ESRP1: variants seen among roughly 807,000 people sequenced by gnomAD.
The protein encoded by ESRP1 is epithelial splicing regulatory protein 1.
A neutral mutation model predicts 81.7 loss-of-function variants in ESRP1; 33 were observed. The observed-to-expected ratio is 0.40, with a 90% CI of 0.31 to 0.54. The LOEUF (loss-of-function observed/expected upper bound fraction) is 0.54, where lower values mean the gene tolerates loss of function less well. Ranked by LOEUF, ESRP1 falls within the 20% of genes least tolerant of loss-of-function variation. The pLI is 0.41. For missense variants in ESRP1, 672 were observed against 833.1 expected (o/e 0.81, Z 2.38); for synonymous variants, 320 against 303.3 (o/e 1.06, Z -0.57).
At chr8:94,691,670 T>C (rs185767216) in intron 13 of ESRP1, among the ~76,000 whole-genome samples, 154 of 152,294 alleles carry the variant, frequency 1.0e-3, no homozygotes, top group Non-Finnish European at 1.7e-3. Context: ...TTATGTATGA[T>C]AGATAATCTC....
intron 13 of ESRP1, among the ~76,000 whole-genome samples, chr8:94,683,202 C>T (rs1219392523): frequency 1.3e-5 from 2 of 151,734 alleles, no homozygotes; most frequent in African/African-American, 4.8e-5. Context: ...CCTCGGCCTC[C>T]CAAAGTGCTG....
chr8:94,692,647 A>G (rs2130716225), intron 13 of ESRP1, 30 bp from the exon 14 acceptor site: 3 of 1,607,146 alleles, frequency 1.9e-6, no homozygotes, highest in Non-Finnish European at 1.7e-6. Flanking sequence ...GTCTATTCCT[A>G]TTGGTTCACT....
At chr8:94,650,760 TG>T (rs1818082305) in intron 4 of ESRP1, among the ~76,000 whole-genome samples, 1 of 151,854 alleles carries the variant, frequency 6.6e-6, no homozygotes, top group Admixed American at 6.6e-5. Flanking sequence ...TTGCCCAGGC[TG>T]GAGTGCAGGG....
At chr8:94,699,099 A>G (rs1273765620) in intron 15 of ESRP1, among the ~76,000 whole-genome samples, 1 of 152,224 alleles carries the variant, frequency 6.6e-6, no homozygotes, top group Non-Finnish European at 1.5e-5. Flanking sequence ...TGATTAACAC[A>G]TAGTCTATAT....
chr8:94,670,237 C>T (rs1006511992), intron 10 of ESRP1, among the ~76,000 whole-genome samples: 2 of 152,128 alleles, frequency 1.3e-5, no homozygotes, highest in African/African-American at 4.8e-5. Flanking sequence ...CATTACTAGT[C>T]ATTTTATTCA....
At chr8:94,689,080 G>T (rs1030063908) in intron 13 of ESRP1, among the ~76,000 whole-genome samples, 4 of 151,942 alleles carry the variant, frequency 2.6e-5, no homozygotes, top group African/African-American at 9.7e-5. Context: ...GTGAAATCCT[G>T]TCTCTACTAA....
chr8:94,682,322 C>T (rs1312931743), intron 13 of ESRP1, among the ~76,000 whole-genome samples: 1 of 152,170 alleles, frequency 6.6e-6, no homozygotes, highest in Admixed American at 6.5e-5. Flanking sequence ...TTCTATGCAT[C>T]TCTTGCTTTT....
chr8:94,664,553 A>G, intron 6 of ESRP1, 144 bp from the exon 7 acceptor site: 1 of 637,026 alleles, frequency 1.6e-6, no homozygotes, highest in Non-Finnish European at 2.8e-6. Flanking sequence ...TTTTGAGGTT[A>G]TAAGGAAAAT....
At chr8:94,663,748 T>C (rs1164531543) in intron 6 of ESRP1, among the ~76,000 whole-genome samples, 2 of 152,116 alleles carry the variant, frequency 1.3e-5, no homozygotes, top group Non-Finnish European at 2.9e-5. Flanking sequence ...AAGTGACTTA[T>C]TAAGAAAATG....
Position 94,697,079 on chromosome 8 carries a change from C to A in ESRP1, c.*35+118C>A, listed in dbSNP as rs146813059. On this transcript the variant is annotated intron_variant, in intron 15 of 15. Transcript: ENST00000433389. ...TTTTCTTTAGTGTAATGTAAAATAT[C>A]AGATATCCTGGAAGGAATGGAGACT... 387 of 677,810 alleles carry A rather than the reference C, an allele frequency of 5.7e-4. No homozygotes were observed. In the African/African-American group the frequency reaches 6.4e-3, roughly 11 times the overall value. 42.0% of individuals were successfully genotyped at this position (677,810 alleles called of 1,614,324 possible).
At position 94,641,411 on chromosome 8, in the gene ESRP1, C is replaced by A. The variant is rs780106891; in HGVS notation, c.93C>A (p.Ile31=). 2.5e-6 allele frequency: 4 copies of A among 1,613,818 alleles called. No homozygotes were observed. In the East Asian group the frequency reaches 8.9e-5, roughly 36 times the overall value. The part of the protein sequence containing the change: ...AKLGSDEKEL[I]LLFWKVVDLA... ...TAGGCTCGGATGAGAAGGAGTTGAT[C>A]CTGCTGTTCTGGAAAGTCGTGGATC... is the stretch of plus-strand genomic sequence containing the variant. Residue 31 remains isoleucine (I), a synonymous_variant, in exon 1 of 16, where the codon ATC becomes ATA. Coordinates refer to ENST00000433389, the MANE Select transcript of ESRP1 (RefSeq NM_017697.4).
intron 9 of ESRP1, 47 bp from the exon 10 acceptor site, chr8:94,667,902 T>C (rs763076189): frequency 1.4e-6 from 2 of 1,469,022 alleles, no homozygotes; most frequent in Non-Finnish European, 1.8e-6. Flanking sequence ...GTAAAGTTGA[T>C]GTCTTAACTA....
At chr8:94,641,601 A>C in intron 1 of ESRP1, 151 bp downstream of exon 1, 1 of 1,128,136 alleles carries the variant, frequency 8.9e-7, no homozygotes, top group Admixed American at 2.3e-5. Context: ...AGCTAGAGTA[A>C]AACCAAACTT....
intron 13 of ESRP1, among the ~76,000 whole-genome samples, chr8:94,686,869 G>A (rs1011307445): frequency 1.3e-5 from 2 of 152,074 alleles, no homozygotes; most frequent in Non-Finnish European, 2.9e-5. Context: ...TATTTGGCGT[G>A]CAATTAGAAA....
intron 9 of ESRP1, among the ~76,000 whole-genome samples, chr8:94,665,940 A>G (rs986294928): frequency 1.3e-5 from 2 of 152,144 alleles, no homozygotes; most frequent in African/African-American, 4.8e-5. Flanking sequence ...GTCTCGTAGT[A>G]TTTTTGGATG....
chr8:94,679,861 CT>C (rs1424077619), intron 13 of ESRP1, among the ~76,000 whole-genome samples: 2 of 151,890 alleles, frequency 1.3e-5, no homozygotes, highest in Non-Finnish European at 2.9e-5. Flanking sequence ...TTCCTTCTTT[CT>C]TTTTTTTAAA....
At chr8:94,683,187 G>A (rs189732547) in intron 13 of ESRP1, among the ~76,000 whole-genome samples, 10 of 151,038 alleles carry the variant, frequency 6.6e-5, no homozygotes, top group Middle Eastern at 3.4e-3. Flanking sequence ...CAAGTGATCC[G>A]CCCGCCTCGG....
At chr8:94,680,674 G>A (rs1335909598) in intron 13 of ESRP1, among the ~76,000 whole-genome samples, 2 of 152,050 alleles carry the variant, frequency 1.3e-5, no homozygotes, top group Non-Finnish European at 2.9e-5. Context: ...TGATCTGCCC[G>A]TCTCAGCCTC....
At chr8:94,699,505 G>T (rs1809733154) in intron 15 of ESRP1, among the ~76,000 whole-genome samples, 1 of 151,926 alleles carries the variant, frequency 6.6e-6, no homozygotes, top group Non-Finnish European at 1.5e-5. Flanking sequence ...AATTACCTAG[G>T]TGTGGTGGCA....
Sources: allele counts gnomAD v4.1 joint callset (sites outside exome capture counted in the v4.1 genomes callset), GRCh38; gene constraint gnomAD v4.1.1; transcripts MANE v1.5; gene names NCBI Gene and HGNC (gene_info 2026-07-23, HGNC 2026-07-21).